Variants in CENPN observed in about 807,000 individuals in gnomAD.
CENPN encodes interphase centromere complex protein 32.
CENPN carries 36 observed loss-of-function variants against 48.6 expected under a neutral mutation model. The observed-to-expected ratio is 0.74, with a 90% CI of 0.57 to 0.98. The LOEUF (loss-of-function observed/expected upper bound fraction) is 0.98, where lower values mean the gene tolerates loss of function less well. Ranked by LOEUF, CENPN falls within the 50% of genes least tolerant of loss-of-function variation. CENPN has a pLI of 0.00. For synonymous variants in CENPN, 166 were observed against 135.2 expected (o/e 1.23, Z -1.58); for missense variants, 439 against 399.2 (o/e 1.10, Z -0.85).
At chr16:81,009,334 G>A (rs1969644022) in intron 1 of CENPN, among the ~76,000 whole-genome samples, 1 of 152,258 alleles carries the variant, frequency 6.6e-6, no homozygotes, top group South Asian at 2.1e-4. Flanking sequence ...AGAAGTCACT[G>A]GAGAGAACAT....
chr16:81,028,367 C>G, intron 10 of CENPN, 70 bp downstream of exon 10: 1 of 1,567,018 alleles, frequency 6.4e-7, no homozygotes, highest in South Asian at 1.1e-5. Context: ...TTATAATCTG[C>G]TAATTACTTC....
At chr16:81,017,452 G>C in intron 4 of CENPN, 67 bp downstream of exon 4, 1 of 1,120,508 alleles carries the variant, frequency 8.9e-7, no homozygotes, top group Non-Finnish European at 1.4e-6. Flanking sequence ...AGAGGTTACA[G>C]CGAGCTGAGA....
At chr16:81,008,320 A>C (rs1449277037) in intron 1 of CENPN, among the ~76,000 whole-genome samples, 3 of 151,700 alleles carry the variant, frequency 2.0e-5, no homozygotes, top group Non-Finnish European at 2.9e-5. Context: ...TTAATTTGAT[A>C]GGGCCCAGGA....
At chr16:81,015,531 G>A (rs746100062) in intron 3 of CENPN, among the ~76,000 whole-genome samples, 2 of 152,256 alleles carry the variant, frequency 1.3e-5, no homozygotes, top group Non-Finnish European at 2.9e-5. Context: ...TTCTGTAAGT[G>A]TAACAAAAAT....
chr16:81,020,729 C>G (rs1970149873), intron 6 of CENPN, among the ~76,000 whole-genome samples: 2 of 152,122 alleles, frequency 1.3e-5, no homozygotes, highest in Admixed American at 1.3e-4. Flanking sequence ...ACCCCTTTTC[C>G]CTATTCCGTT....
intron 3 of CENPN, chr16:81,014,448 G>C (rs1368144567): frequency 2.5e-6 from 1 of 402,296 alleles, no homozygotes; most frequent in Non-Finnish European, 4.6e-6. Flanking sequence ...GCCCAGGCTG[G>C]TCTCCAGCTC....
In CENPN at chr16:81,028,766, T is replaced by G; in HGVS notation, c.*115T>G. 2 of 1,463,004 alleles carry G rather than the reference T, an allele frequency of 1.4e-6. No homozygotes were observed. Among genetic ancestry groups the G allele is most frequent in the Non-Finnish European group, 1.8e-6 (2 of 1,111,600 alleles). The allele number at this position is 1,463,004 out of a possible 1,614,324, so 90.6% of individuals were successfully genotyped here. A position where few individuals can be genotyped will look rare whatever the true frequency, so the allele number is the denominator to read the frequency against. Reference sequence around the variant, plus strand: ...AACTTGTATTTTCAAGAATCCTTGGTATTGAATTTTTAGAAATGCTCACAT... The same window carrying G: ...AACTTGTATTTTCAAGAATCCTTGGGATTGAATTTTTAGAAATGCTCACAT... On this transcript the variant is annotated 3_prime_UTR_variant, in exon 11 of 11. Coordinates refer to ENST00000305850, the MANE Select transcript of CENPN (RefSeq NM_001100624.3).
chr16:81,021,126 G>A (rs866586848), intron 6 of CENPN, among the ~76,000 whole-genome samples: 3 of 150,928 alleles, frequency 2.0e-5, no homozygotes, highest in African/African-American at 2.4e-5. Flanking sequence ...ACATTTCCAC[G>A]TGGTTACAAA....
intron 1 of CENPN, among the ~76,000 whole-genome samples, chr16:81,011,095 C>T (rs1969723098): frequency 6.6e-6 from 1 of 152,170 alleles, no homozygotes; most frequent in Non-Finnish European, 1.5e-5. Context: ...TCCTTCCTGT[C>T]TCTGCTGTCC....
intron 1 of CENPN, 78 bp from the exon 2 acceptor site, chr16:81,011,852 T>A: frequency 8.5e-7 from 1 of 1,176,640 alleles, no homozygotes; most frequent in Non-Finnish European, 1.2e-6. Flanking sequence ...TTCATATGTG[T>A]ATGTGTATGT....
At chr16:81,011,673 T>A (rs765219414) in intron 1 of CENPN, among the ~76,000 whole-genome samples, 10 of 152,190 alleles carry the variant, frequency 6.6e-5, no homozygotes, top group Non-Finnish European at 1.3e-4. Context: ...TGTAAACATT[T>A]AGGTGTTGGA....
chr16:81,020,413 C>T (rs1970129515), intron 6 of CENPN, 137 bp downstream of exon 6: 1 of 809,530 alleles, frequency 1.2e-6, no homozygotes. Flanking sequence ...GTCCCAGCTA[C>T]TTGGGAGGCT....
chr16:81,007,934 C>A lies in CENPN; in HGVS notation c.-11+657C>A, dbSNP rs375649031. 1.1e-4 allele frequency among the ~76,000 whole-genome samples: 16 copies of A among 152,150 alleles called. No individual in the cohort carries two copies. The East Asian group carries it at 3.1e-3, about 29-fold the overall frequency. ...CCAGCCTGGCCAACATGGTGAAACC[C>A]CGTCTCTACTAAAAATACAAAAATT... On this transcript the variant is annotated intron_variant, in intron 1 of 10. Coordinates refer to ENST00000305850, the MANE Select transcript of CENPN (RefSeq NM_001100624.3).
Position 81,011,981 on chromosome 16 carries a change from G to A in CENPN, c.42G>A (p.Leu14=). The change falls in exon 2 of 11, where the codon TTG becomes TTA. Residue 14 remains leucine (L), a synonymous_variant. Coordinates refer to ENST00000305850, the MANE Select transcript of CENPN (RefSeq NM_001100624.3). ...TVAEFIKRTI[L]KIPMNELTTI... is the part of the protein sequence containing the mutation. ...CTGAGTTCATCAAGAGGACCATCTT[G>A]AAAATCCCCATGAATGAACTGACAA... 6.2e-7 allele frequency: 1 copy of A among 1,614,178 alleles called. No individual in the cohort carries two copies. The highest frequency in any genetic ancestry group is 2.2e-5 in the East Asian group (1 of 44,880).
intron 9 of CENPN, 112 bp from the exon 10 acceptor site, chr16:81,028,059 T>C: frequency 3.1e-6 from 3 of 958,624 alleles, no homozygotes; most frequent in Middle Eastern, 6.5e-4. Flanking sequence ...TGTTAATTCC[T>C]GTATTTCTTA....
At chr16:81,022,895 GT>G in intron 7 of CENPN, 197 bp downstream of exon 7, 4 of 1,603,404 alleles carry the variant, frequency 2.5e-6, no homozygotes, top group Non-Finnish European at 3.4e-6. Context: ...ATTGTATTGT[GT>G]TTTATACCAC....
chr16:81,017,954 C>A, intron 5 of CENPN, 120 bp downstream of exon 5: 1 of 601,322 alleles, frequency 1.7e-6, no homozygotes, highest in Non-Finnish European at 2.9e-6. Flanking sequence ...ATAGTTCATA[C>A]GGTTCTACTC....
chr16:81,022,826 A>C (rs1487962009), intron 7 of CENPN, 128 bp downstream of exon 7: 1 of 1,613,722 alleles, frequency 6.2e-7, no homozygotes, highest in Admixed American at 1.7e-5. Context: ...AAATGAAGAA[A>C]GCTTGCAATT....
chr16:81,026,139 A>ATG lies in CENPN; in HGVS notation c.698-386_698-385insGT, dbSNP rs200884722. On this transcript the variant is annotated intron_variant, in intron 8 of 10. Transcript: ENST00000305850. ...TATGTATATATATGTGTGTATATAT[A>ATG]TATGTATATATATATGTGTATATAT... Among the ~76,000 whole-genome samples the ATG allele has an allele frequency of 6.4e-4, 36 of 56,226 alleles. 1 individual carries two copies. The Middle Eastern group carries it at 0.047, about 73-fold the overall frequency. The allele number at this position is 56,226 out of a possible 152,430, so 36.9% of individuals were successfully genotyped here. A position where few individuals can be genotyped will look rare whatever the true frequency, so the allele number is the denominator to read the frequency against.
Sources: gnomAD v4.1 joint callset for allele counts (sites outside exome capture counted in the v4.1 genomes callset) on GRCh38, gnomAD v4.1.1 for gene constraint, MANE v1.5 for transcripts, NCBI Gene and HGNC (gene_info 2026-07-23, HGNC 2026-07-21) for gene names.